The following SNTB1 variants were observed in gnomAD, a reference collection of about 807,000 sequenced individuals.
SNTB1 encodes syntrophin beta 1.
A neutral mutation model predicts 48.9 loss-of-function variants in SNTB1; 36 were observed. The ratio of observed to expected loss-of-function variants is 0.74; its 90% CI spans 0.56 to 0.97. The LOEUF (loss-of-function observed/expected upper bound fraction) is 0.97. Ranked by LOEUF, SNTB1 falls within the 50% of genes least tolerant of loss-of-function variation. SNTB1 has a pLI of 0.00. For synonymous variants in SNTB1, 299 were observed against 294.6 expected (o/e 1.01, Z -0.15); for missense variants, 786 against 703.4 (o/e 1.12, Z -1.33).
At chr8:120,580,652 G>A (rs1816033500) in intron 3 of SNTB1, among the ~76,000 whole-genome samples, 2 of 152,194 alleles carry the variant, frequency 1.3e-5, no homozygotes, top group South Asian at 4.1e-4. Context: ...CTTTTTAATT[G>A]AAGTCTGTTT....
At chr8:120,664,373 CT>C (rs1439678645) in intron 2 of SNTB1, among the ~76,000 whole-genome samples, 1 of 152,180 alleles carries the variant, frequency 6.6e-6, no homozygotes, top group Admixed American at 6.5e-5. Flanking sequence ...TTTCTAATAG[CT>C]TTATTGAGGC....
intron 3 of SNTB1, among the ~76,000 whole-genome samples, chr8:120,603,672 A>G (rs753924346): frequency 6.6e-6 from 1 of 152,200 alleles, no homozygotes. Context: ...ACTGATCTGT[A>G]GGACACGACA....
chr8:120,554,714 T>G (rs1306442345), intron 4 of SNTB1, among the ~76,000 whole-genome samples: 1 of 152,216 alleles, frequency 6.6e-6, no homozygotes, highest in East Asian at 1.9e-4. Flanking sequence ...CCGCAGGCTA[T>G]AGCTATGGAG....
intron 4 of SNTB1, among the ~76,000 whole-genome samples, chr8:120,555,941 C>T (rs575183039): frequency 1.4e-4 from 21 of 152,316 alleles, no homozygotes; most frequent in African/African-American, 5.1e-4. Context: ...GAAATCAATC[C>T]TGACAGCACC....
At chr8:120,555,349 T>G (rs190381872) in intron 4 of SNTB1, among the ~76,000 whole-genome samples, 1 of 152,190 alleles carries the variant, frequency 6.6e-6, no homozygotes, top group African/African-American at 2.4e-5. Context: ...AGGCGGTGTC[T>G]GATTTAGGCA....
intron 2 of SNTB1, chr8:120,655,100 G>T: frequency 3.1e-6 from 1 of 322,550 alleles, no homozygotes. Flanking sequence ...TGACATTTTG[G>T]GGTGTTTTTA....
At chr8:120,742,871 C>CA (rs1563586982) in intron 1 of SNTB1, among the ~76,000 whole-genome samples, 2 of 152,298 alleles carry the variant, frequency 1.3e-5, no homozygotes, top group African/African-American at 4.8e-5. Flanking sequence ...GATCAACTCA[C>CA]ACCTTGGGAG....
chr8:120,606,014 T>C (rs1015256985), intron 3 of SNTB1, among the ~76,000 whole-genome samples: 1 of 152,042 alleles, frequency 6.6e-6, no homozygotes, highest in Non-Finnish European at 1.5e-5. Flanking sequence ...CTGGGAACCT[T>C]TGTGGAATGC....
chr8:120,547,413 T>C (rs974256330), intron 5 of SNTB1, among the ~76,000 whole-genome samples: 2 of 151,910 alleles, frequency 1.3e-5, no homozygotes, highest in African/African-American at 4.8e-5. Flanking sequence ...CTGGCCAACA[T>C]GGTAAAACCC....
chr8:120,741,374 C>T (rs902791990), intron 1 of SNTB1, among the ~76,000 whole-genome samples: 9 of 152,152 alleles, frequency 5.9e-5, no homozygotes, highest in South Asian at 4.2e-4. Context: ...TTTGGGAGGC[C>T]GAGGTGGGCA....
intron 1 of SNTB1, 142 bp downstream of exon 1, chr8:120,811,131 T>TC (rs71308610): frequency 0.042 from 41,762 of 1,000,104 alleles, 207 homozygotes; most frequent in African/African-American, 0.074. Flanking sequence ...GCGCCACCCT[T>TC]CCCCCCCCCC....
At chr8:120,574,801 G>C (rs184455662) in intron 4 of SNTB1, among the ~76,000 whole-genome samples, 1 of 152,270 alleles carries the variant, frequency 6.6e-6, no homozygotes. Context: ...ATTTCAAAGG[G>C]AATGAGATGG....
intron 3 of SNTB1, among the ~76,000 whole-genome samples, chr8:120,603,099 A>AT (rs11365836): frequency 5.1e-4 from 75 of 146,622 alleles, no homozygotes; most frequent in Middle Eastern, 3.5e-3. Context: ...AAGTCTCTAG[A>AT]TTTTTTTTTT....
rs1048022177 is a variant in SNTB1, at chr8:120,673,349, G to A, written c.788+20343C>T. ...TCTGTCGCCCAGGCTGGAGTGTAGT[G>A]GTGTGGTCTCGGCTCACTGCAACCT... On this transcript the variant is annotated intron_variant, in intron 2 of 6. Coordinates refer to ENST00000517992, the MANE Select transcript of SNTB1 (RefSeq NM_021021.4). Among the ~76,000 whole-genome samples, 3 of 151,112 alleles carry A rather than the reference G, an allele frequency of 2.0e-5. No homozygotes were observed. The East Asian group carries it at 5.9e-4, about 30-fold the overall frequency.
At chr8:120,730,947 C>G (rs1818840253) in intron 1 of SNTB1, among the ~76,000 whole-genome samples, 2 of 151,518 alleles carry the variant, frequency 1.3e-5, no homozygotes, top group Admixed American at 1.3e-4. Context: ...TGGTGAAACC[C>G]CGGTCTCTAC....
rs578165003 is a variant in SNTB1, at chr8:120,588,913, G to A, written c.997-13688C>T. Among the ~76,000 whole-genome samples the A allele has an allele frequency of 9.8e-5, 15 of 152,292 alleles. No homozygotes were observed. In the East Asian group the frequency reaches 2.7e-3, roughly 27 times the overall value. On this transcript the variant is annotated intron_variant, in intron 3 of 6. Transcript: ENST00000517992. ...GATCTATAGGGAGGGGCCTGGGTAA[G>A]TCTTCTGCATACTATTGTTTGAGCA...
chr8:120,754,682 T>G (rs1819284987), intron 1 of SNTB1, among the ~76,000 whole-genome samples: 1 of 152,168 alleles, frequency 6.6e-6, no homozygotes, highest in Non-Finnish European at 1.5e-5. Flanking sequence ...GTAATAAATG[T>G]TACTCACTAT....
intron 1 of SNTB1, among the ~76,000 whole-genome samples, chr8:120,796,054 G>A (rs988094024): frequency 5.9e-5 from 9 of 152,012 alleles, no homozygotes; most frequent in African/African-American, 1.9e-4. Flanking sequence ...CTGGTGGGAA[G>A]TGACTGGATA....
At chr8:120,790,206 A>G (rs1297078882) in intron 1 of SNTB1, among the ~76,000 whole-genome samples, 1 of 151,924 alleles carries the variant, frequency 6.6e-6, no homozygotes, top group Non-Finnish European at 1.5e-5. Flanking sequence ...GATACAAACC[A>G]TCAAAAAACT....
Sources: gnomAD v4.1 joint callset for allele counts (sites outside exome capture counted in the v4.1 genomes callset) on GRCh38, gnomAD v4.1.1 for gene constraint, MANE v1.5 for transcripts, NCBI Gene and HGNC (gene_info 2026-07-23, HGNC 2026-07-21) for gene names.